The following VGLL4 variants were observed in gnomAD, a reference collection of about 807,000 sequenced individuals.
VGLL4 encodes the protein vestigial like family member 4.
In VGLL4, 7 loss-of-function variants were observed where a neutral mutation model predicts 21.0. That is an observed-to-expected ratio of 0.33 (90% CI 0.19 to 0.63). The LOEUF is 0.63. Among genes scored for constraint, VGLL4 ranks in the 20% least tolerant of loss-of-function variants. The probability of loss-of-function intolerance (pLI) is 0.78; values close to 1 mark genes in which losing one functional copy is unlikely to be tolerated. For missense variants in VGLL4, 394 were observed against 425.7 expected, an observed-to-expected ratio of 0.93 and a Z score of 0.66; for synonymous variants, 222 against 173.2, an observed-to-expected ratio of 1.28 and a Z score of -2.21.
In VGLL4 at chr3:11,671,937, T is replaced by C. The variant is rs140248579; in HGVS notation, c.64+31034A>G. Among the ~76,000 whole-genome samples, 226 of 152,300 alleles carry C rather than the reference T, an allele frequency of 1.5e-3. 2 individuals are homozygous for C. The highest frequency in any genetic ancestry group is 2.8e-3 in the Non-Finnish European group (188 of 68,030). ...TTGACTAACTTCTTCCTTGTTCAGT[T>C]CTCACTTCCTCCTCGCCTGTCACTA... On this transcript the variant is annotated intron_variant, in intron 2 of 5. Transcript: ENST00000273038.
chr3:11,583,308 G>C (rs1235369397), intron 2 of VGLL4, among the ~76,000 whole-genome samples: 1 of 152,280 alleles, frequency 6.6e-6, no homozygotes, highest in African/African-American at 2.4e-5. Context: ...TATGAAAATA[G>C]CATTTCTGTT....
chr3:11,680,127 A>G (rs2076348858), intron 2 of VGLL4, among the ~76,000 whole-genome samples: 1 of 152,228 alleles, frequency 6.6e-6, no homozygotes, highest in African/African-American at 2.4e-5. Flanking sequence ...TGCGTGCCAC[A>G]GGGGTTTGTA....
chr3:11,566,229 CCA>C (rs138439216), intron 2 of VGLL4, among the ~76,000 whole-genome samples: 4,595 of 151,878 alleles, frequency 0.03, 117 homozygotes, highest in Non-Finnish European at 0.046. Flanking sequence ...CACACGCACA[CCA>C]CACACACACA....
intron 1 of VGLL4, among the ~76,000 whole-genome samples, chr3:11,634,372 T>A (rs890166127): frequency 1.1e-4 from 16 of 152,128 alleles, no homozygotes; most frequent in African/African-American, 3.6e-4. Context: ...GCCAGGCTCC[T>A]CCCCTAAGGA....
rs1286521928 is a variant in VGLL4, at chr3:11,653,680, T to G, written c.64+49291A>C. ...GATACGCAGAAAGTGTATGTTCAGC[T>G]TAAGTAAATATTGCCAAATAGTTTT... On this transcript the variant is annotated intron_variant, in intron 2 of 5. Coordinates refer to the VGLL4 transcript ENST00000273038. The surrounding 1 kb of genome is among the most constrained non-coding windows in gnomAD (Gnocchi z 4.2). Among the ~76,000 whole-genome samples the G allele has an allele frequency of 6.6e-6, 1 of 152,206 alleles. No homozygotes were observed. Among genetic ancestry groups the G allele is most frequent in the African/African-American group, 2.4e-5 (1 of 41,450 alleles).
intron 2 of VGLL4, among the ~76,000 whole-genome samples, chr3:11,579,815 C>A (rs757509686): frequency 2.0e-5 from 3 of 152,138 alleles, no homozygotes; most frequent in Admixed American, 6.5e-5. Flanking sequence ...AAAATTACCA[C>A]CCCCGGTGGT....
chr3:11,620,807 G>T (rs748668576), intron 1 of VGLL4, among the ~76,000 whole-genome samples: 1 of 152,174 alleles, frequency 6.6e-6, no homozygotes, highest in Non-Finnish European at 1.5e-5. Flanking sequence ...CACCCTGTGT[G>T]CACATATCAT....
intron 1 of VGLL4, among the ~76,000 whole-genome samples, chr3:11,631,710 A>G (rs192627782): frequency 6.6e-6 from 1 of 152,332 alleles, no homozygotes; most frequent in African/African-American, 2.4e-5. Flanking sequence ...ATCTAATTTT[A>G]TGTTTGACAA....
intron 2 of VGLL4, among the ~76,000 whole-genome samples, chr3:11,591,553 C>A (rs190202049): frequency 6.6e-6 from 1 of 152,234 alleles, no homozygotes; most frequent in African/African-American, 2.4e-5. Context: ...GATGTCAGCT[C>A]TTAAGAGCAC....
Position 11,601,973 on chromosome 3 carries a change from G to C in VGLL4, c.132C>G (p.Ala44=). Residue 44 remains alanine (A), a synonymous_variant, in exon 2 of 5, where the codon GCC becomes GCG. Transcript: ENST00000430365. ...CGGTGCGGTGACTGCTGAGGGCAGAGGCCACCGGCAGGGTCTGTATTCTGG... is the reference window on the plus strand; with the variant it reads ...CGGTGCGGTGACTGCTGAGGGCAGACGCCACCGGCAGGGTCTGTATTCTGG... ...GEPRIQTLPV[A]SALSSHRTGP... The C allele has an allele frequency of 6.2e-7, 1 of 1,607,600 alleles. No individual in the cohort carries two copies. The highest frequency in any genetic ancestry group is 8.5e-7 in the Non-Finnish European group (1 of 1,177,788).
At chr3:11,715,480 C>T (rs550328526) in intron 1 of VGLL4, among the ~76,000 whole-genome samples, 23 of 152,120 alleles carry the variant, frequency 1.5e-4, no homozygotes, top group African/African-American at 5.3e-4. Context: ...ATCACAGGTG[C>T]CCACCACCAT....
intron 2 of VGLL4, among the ~76,000 whole-genome samples, chr3:11,675,840 C>G (rs2076281468): frequency 6.6e-6 from 1 of 152,192 alleles, no homozygotes; most frequent in African/African-American, 2.4e-5. Context: ...GTTCAGTTAA[C>G]TAGATTAATG....
In VGLL4 at chr3:11,684,903, T is replaced by C. The variant is rs149514120; in HGVS notation, c.64+18068A>G. On this transcript the variant is annotated intron_variant, in intron 2 of 5. Coordinates refer to the VGLL4 transcript ENST00000273038. Reference sequence around the variant, plus strand: ...TTATAGGTAAACTTGTGTCACAGGGTTTGTAGTACAGATTATTTTGTCACT... The same window carrying C: ...TTATAGGTAAACTTGTGTCACAGGGCTTGTAGTACAGATTATTTTGTCACT... Among the ~76,000 whole-genome samples, 745 of 152,248 alleles carry C rather than the reference T, an allele frequency of 4.9e-3. 4 individuals carry two copies. The highest frequency in any genetic ancestry group is 8.2e-3 in the Non-Finnish European group (557 of 68,026).
chr3:11,665,133 A>G (rs1325527073), intron 2 of VGLL4, among the ~76,000 whole-genome samples: 1 of 45,712 alleles, frequency 2.2e-5, no homozygotes, highest in South Asian at 7.3e-4. Flanking sequence ...TTTTTTTTTG[A>G]GACGGAGTCT....
intron 1 of VGLL4, among the ~76,000 whole-genome samples, chr3:11,613,550 G>C (rs905247186): frequency 1.3e-5 from 2 of 152,124 alleles, no homozygotes; most frequent in African/African-American, 4.8e-5. Context: ...GTGGTCCCGG[G>C]TACTGTTCTG....
chr3:11,598,647 G>T (rs1434283073), intron 2 of VGLL4, among the ~76,000 whole-genome samples: 1 of 151,786 alleles, frequency 6.6e-6, no homozygotes, highest in Non-Finnish European at 1.5e-5. Flanking sequence ...ACTCCACCAG[G>T]CCAAGCTAAT....
chr3:11,564,221 A>G (rs564283786), intron 3 of VGLL4, among the ~76,000 whole-genome samples: 4 of 152,208 alleles, frequency 2.6e-5, no homozygotes, highest in Non-Finnish European at 5.9e-5. Flanking sequence ...AGCTGTGTTT[A>G]TTAAGCAATC....
At chr3:11,602,947 A>G (rs2074843793) in intron 1 of VGLL4, among the ~76,000 whole-genome samples, 1 of 152,242 alleles carries the variant, frequency 6.6e-6, no homozygotes, top group South Asian at 2.1e-4. Context: ...TTCACAAATA[A>G]TAACCCTTTT....
At chr3:11,713,728 C>T (rs1397108854) in intron 1 of VGLL4, among the ~76,000 whole-genome samples, 1 of 151,872 alleles carries the variant, frequency 6.6e-6, no homozygotes, top group Non-Finnish European at 1.5e-5. Context: ...GGCTGGGCAG[C>T]TGTCAATCTC....
Sources: allele counts gnomAD v4.1 joint callset (sites outside exome capture counted in the v4.1 genomes callset), GRCh38; gene constraint gnomAD v4.1.1; non-coding constraint Gnocchi (gnomAD v3.1); transcripts MANE v1.5; gene names NCBI Gene and HGNC (gene_info 2026-07-23, HGNC 2026-07-21).